The following KLRG1 variants were observed in gnomAD, a reference collection of about 807,000 sequenced individuals.
KLRG1 encodes the protein killer cell lectin like receptor G1.
Under a neutral mutation model 21.8 loss-of-function variants are expected in KLRG1, and 16 were observed. The ratio of observed to expected loss-of-function variants is 0.73; its 90% CI spans 0.50 to 1.11. The LOEUF (loss-of-function observed/expected upper bound fraction) is 1.11, where lower values mean the gene tolerates loss of function less well. Among genes scored for constraint, KLRG1 ranks in the 50% most tolerant of loss-of-function variants. The probability of loss-of-function intolerance (pLI) is 0.00; values close to 1 mark genes in which losing one functional copy is unlikely to be tolerated. For synonymous variants in KLRG1, 69 were observed against 75.9 expected, an observed-to-expected ratio of 0.91 and a Z score of 0.47; for missense variants, 173 against 218.3, an observed-to-expected ratio of 0.79 and a Z score of 1.31.
At chr12:9,175,798 C>CA in the KLRG1 span, among the ~76,000 whole-genome samples, 1 of 151,974 alleles carries the variant, frequency 6.6e-6, no homozygotes, top group Non-Finnish European at 1.5e-5. Context: ...GTTAAAAAGT[C>CA]AAAAAACAAC....
chr12:8,992,587 C>T (rs1188708799), intron 2 of KLRG1, among the ~76,000 whole-genome samples: 1 of 152,150 alleles, frequency 6.6e-6, no homozygotes, highest in East Asian at 1.9e-4. Flanking sequence ...TGCCACTGTA[C>T]AGTCACAGCT....
At chr12:9,069,161 T>A in the KLRG1 span, 1 of 193,432 alleles carries the variant, frequency 5.2e-6, no homozygotes, top group East Asian at 1.3e-4. Context: ...ATAGTTTGAC[T>A]TCTCTGTCTT....
the KLRG1 span, chr12:9,091,459 A>T: frequency 6.2e-7 from 1 of 1,610,968 alleles, no homozygotes; most frequent in Non-Finnish European, 8.5e-7. Context: ...AAGAACAGAA[A>T]GTAAGCAGTT....
chr12:9,094,961 T>G, the KLRG1 span: 3 of 1,405,256 alleles, frequency 2.1e-6, no homozygotes, highest in South Asian at 3.0e-5. Flanking sequence ...TATTTATTAA[T>G]TTTTTGTTTA....
chr12:9,078,216 G>A, the KLRG1 span, among the ~76,000 whole-genome samples: 3 of 152,064 alleles, frequency 2.0e-5, no homozygotes, highest in East Asian at 5.8e-4. Flanking sequence ...AACAGGCCCT[G>A]GTGTGTGTTG....
the KLRG1 span, among the ~76,000 whole-genome samples, chr12:9,194,997 A>C: frequency 1.3e-5 from 2 of 152,198 alleles, no homozygotes; most frequent in Admixed American, 1.3e-4. Context: ...GTAGTATTGA[A>C]GATTAAATAA....
chr12:8,989,776 T>C, intron 1 of KLRG1, 59 bp downstream of exon 1: 1 of 908,624 alleles, frequency 1.1e-6, no homozygotes, highest in South Asian at 1.4e-5. Context: ...TATGGATGAA[T>C]GGGGAGTAGA....
At chr12:9,135,584 CTG>C in the KLRG1 span, 1 of 332,606 alleles carries the variant, frequency 3.0e-6, no homozygotes, top group Non-Finnish European at 5.6e-6. Context: ...AGTATGATGA[CTG>C]TATCAGGTTA....
At chr12:9,163,649 A>T in the KLRG1 span, 4 of 1,611,134 alleles carry the variant, frequency 2.5e-6, no homozygotes, top group African/African-American at 1.3e-5. Flanking sequence ...GTTGTTAGGG[A>T]CTCCCAAAAA....
the KLRG1 span, among the ~76,000 whole-genome samples, chr12:9,105,922 T>C: frequency 6.6e-6 from 1 of 152,172 alleles, no homozygotes; most frequent in African/African-American, 2.4e-5. Context: ...AACCTGAGAC[T>C]GCCTGGTAAA....
the KLRG1 span, chr12:9,150,627 A>G: frequency 6.5e-7 from 1 of 1,534,132 alleles, no homozygotes; most frequent in African/African-American, 1.4e-5. Flanking sequence ...AGATTGTTTC[A>G]TTTTTCTTTC....
the KLRG1 span, among the ~76,000 whole-genome samples, chr12:9,038,900 T>A: frequency 1.4e-5 from 1 of 72,664 alleles, no homozygotes; most frequent in African/African-American, 6.1e-5. Context: ...TGAGACTCTG[T>A]CTCAAAAAAA....
At chr12:9,067,741 T>A in the KLRG1 span, 1 of 1,261,168 alleles carries the variant, frequency 7.9e-7, no homozygotes, top group South Asian at 1.2e-5. Flanking sequence ...ATTCATCAAG[T>A]CTTTAAAGAT....
chr12:9,160,380 A>G, the KLRG1 span: 1 of 1,614,184 alleles, frequency 6.2e-7, no homozygotes, highest in East Asian at 2.2e-5. Flanking sequence ...TCATTCAGAT[A>G]GTTCAAGACA....
the KLRG1 span, chr12:9,196,665 G>A: frequency 2.5e-6 from 4 of 1,611,948 alleles, no homozygotes; most frequent in African/African-American, 4.0e-5. Flanking sequence ...CTTGTTGGGT[G>A]ATGCAGCCAT....
the KLRG1 span, among the ~76,000 whole-genome samples, chr12:9,105,001 C>G: frequency 1.5e-4 from 23 of 152,258 alleles, no homozygotes; most frequent in African/African-American, 5.5e-4. Context: ...GGAAGGTAGG[C>G]AGATTTTATG....
At chr12:9,091,671 C>T in the KLRG1 span, among the ~76,000 whole-genome samples, 85,270 of 152,016 alleles carry the variant, frequency 0.56, 25,537 homozygotes, top group African/African-American at 0.76. Context: ...ATAAATTTAA[C>T]ATGCAGTTTG....
the KLRG1 span, among the ~76,000 whole-genome samples, chr12:9,147,504 G>A: frequency 2.0e-5 from 3 of 152,054 alleles, no homozygotes; most frequent in Admixed American, 6.5e-5. Context: ...TACTGGCTTC[G>A]GTGAGTCTGC....
chr12:9,197,697 ATT>A, the KLRG1 span, among the ~76,000 whole-genome samples: 1 of 90,226 alleles, frequency 1.1e-5, no homozygotes, highest in Non-Finnish European at 2.0e-5. Context: ...AATATATATA[ATT>A]ATATATTATA....
Sources: allele counts gnomAD v4.1 joint callset (sites outside exome capture counted in the v4.1 genomes callset), GRCh38; gene constraint gnomAD v4.1.1; transcripts MANE v1.5; gene names NCBI Gene and HGNC (gene_info 2026-07-23, HGNC 2026-07-21).